The following FAM234B variants were observed in gnomAD, a reference collection of about 807,000 sequenced individuals.
FAM234B encodes protein FAM234B.
FAM234B carries 33 observed loss-of-function variants against 69.3 expected under a neutral mutation model. The ratio of observed to expected loss-of-function variants is 0.48; its 90% confidence interval spans 0.36 to 0.64. The LOEUF (loss-of-function observed/expected upper bound fraction) is 0.64, where lower values mean the gene tolerates loss of function less well. Among genes scored for constraint, FAM234B ranks in the 30% least tolerant of loss-of-function variants. The pLI, the probability that FAM234B is intolerant of heterozygous loss-of-function variation, is 0.00. For synonymous variants in FAM234B, 306 were observed against 306.9 expected, an observed-to-expected ratio of 1.00 and a Z score of 0.03; for missense variants, 697 against 769.7, an observed-to-expected ratio of 0.91 and a Z score of 1.12.
intron 11 of FAM234B, 75 bp downstream of exon 11, chr12:13,076,218 C>A: frequency 9.2e-7 from 1 of 1,086,562 alleles, no homozygotes; most frequent in Non-Finnish European, 1.4e-6. Context: ...GTAATGAGAC[C>A]ATTGCCCCAC....
chr12:13,059,851 T>C (rs1029133996), intron 3 of FAM234B, among the ~76,000 whole-genome samples: 1 of 152,196 alleles, frequency 6.6e-6, no homozygotes. Flanking sequence ...CCCCATCTAC[T>C]TAGATTTAGA....
chr12:13,046,366 G>A (rs1038020596), intron 1 of FAM234B, among the ~76,000 whole-genome samples: 3 of 152,162 alleles, frequency 2.0e-5, no homozygotes, highest in African/African-American at 7.2e-5. Context: ...TGGCTCCCCT[G>A]TAATTGGGGT....
chr12:13,058,965 C>G (rs1179754236), intron 3 of FAM234B, among the ~76,000 whole-genome samples: 2 of 152,246 alleles, frequency 1.3e-5, no homozygotes, highest in East Asian at 3.8e-4. Flanking sequence ...ACTTATACAT[C>G]TTTACACAAA....
chr12:13,066,608 A>G (rs201726510), intron 5 of FAM234B, 32 bp from the exon 6 acceptor site: 38 of 1,588,748 alleles, frequency 2.4e-5, no homozygotes, highest in Non-Finnish European at 3.0e-5. Context: ...TAGGGCTTCT[A>G]TTGACTCCAC....
chr12:13,070,643 G>A (rs1014991070), intron 9 of FAM234B, among the ~76,000 whole-genome samples: 1 of 152,150 alleles, frequency 6.6e-6, no homozygotes, highest in African/African-American at 2.4e-5. Context: ...ATTATCCTTT[G>A]ACAAATGCAG....
intron 10 of FAM234B, 69 bp from the exon 11 acceptor site, chr12:13,075,957 C>T: frequency 9.1e-7 from 1 of 1,102,234 alleles, no homozygotes; most frequent in East Asian, 2.4e-5. Flanking sequence ...TCTGCCTTTT[C>T]ACCTGAGGAC....
chr12:13,072,729 CAA>C (rs55734917), intron 10 of FAM234B, among the ~76,000 whole-genome samples: 32,855 of 89,588 alleles, frequency 0.37, 4,339 homozygotes, highest in East Asian at 0.62. Flanking sequence ...GACTTTGTCT[CAA>C]AAAAAAAAAA....
intron 2 of FAM234B, among the ~76,000 whole-genome samples, 170 bp from the exon 3 acceptor site, chr12:13,058,281 C>G (rs188694617): frequency 1.3e-5 from 2 of 152,256 alleles, no homozygotes; most frequent in East Asian, 3.9e-4. Flanking sequence ...GTTTTATGTA[C>G]AGTGTCCAGG....
At position 13,082,936 on chromosome 12, in the gene FAM234B, T is replaced by A. The variant is rs1255530934; in HGVS notation, c.*2306T>A. ...CTAACTTAACATAGATTCTTTTGACTATGGTAAGTTTGAATCTCTCCTTGC... is the reference window on the plus strand; with the variant it reads ...CTAACTTAACATAGATTCTTTTGACAATGGTAAGTTTGAATCTCTCCTTGC... On this transcript the variant is annotated 3_prime_UTR_variant, in exon 13 of 13. Transcript: ENST00000197268. The A allele has an allele frequency of 6.6e-6, 1 of 152,224 alleles. No homozygotes were observed. Among genetic ancestry groups the A allele is most frequent in the African/African-American group, 2.4e-5 (1 of 41,468 alleles). 9.4% of individuals were successfully genotyped at this position (152,224 alleles called of 1,614,324 possible). A position where few individuals can be genotyped will look rare whatever the true frequency, so the allele number is the denominator to read the frequency against.
intron 1 of FAM234B, among the ~76,000 whole-genome samples, chr12:13,054,232 G>A (rs1025484417): frequency 2.0e-5 from 3 of 148,666 alleles, no homozygotes; most frequent in African/African-American, 7.6e-5. Context: ...TATTAATAGG[G>A]AAGTGATAAA....
intron 11 of FAM234B, among the ~76,000 whole-genome samples, chr12:13,078,131 G>A (rs1865182618): frequency 6.6e-6 from 1 of 151,552 alleles, no homozygotes; most frequent in Admixed American, 6.6e-5. Context: ...TTTTTTTCTT[G>A]TAAATTTGTT....
At position 13,067,022 on chromosome 12, in the gene FAM234B, G is replaced by A; in HGVS notation, c.1001-133G>A. The A allele has an allele frequency of 1.8e-6, 2 of 1,089,272 alleles. No individual in the cohort carries two copies. Among genetic ancestry groups the A allele is most frequent in the Non-Finnish European group, 1.3e-6 (1 of 747,534 alleles). 67.5% of individuals were successfully genotyped at this position (1,089,272 alleles called of 1,614,324 possible). ...CACCCACTTAATCACCTCCCCACTT[G>A]TTCCGTGTTGTCCAGTCTGGGCGGG... On this transcript the variant is annotated intron_variant, in intron 6 of 12. Transcript: ENST00000197268. This position sits in a 1 kb window ranked among gnomAD's most constrained non-coding sequence, Gnocchi z 4.7.
chr12:13,051,530 A>G (rs1043864394), intron 1 of FAM234B, among the ~76,000 whole-genome samples: 2 of 152,272 alleles, frequency 1.3e-5, no homozygotes, highest in African/African-American at 4.8e-5. Flanking sequence ...GTGAATGCCA[A>G]GAAAGCTCTC....
At position 13,071,294 on chromosome 12, in the gene FAM234B, G is replaced by T. The variant is rs777129709; in HGVS notation, c.1422G>T (p.Pro474=). The change falls in exon 10 of 13, where the codon CCG becomes CCT. Residue 474 remains proline, a synonymous_variant. Transcript: ENST00000197268. ...CCATTGTTTGGAGTTACCGTGCTCCGTGTCACATGAAAGAAACGCCAGCCA... is the reference window on the plus strand; with the variant it reads ...CCATTGTTTGGAGTTACCGTGCTCCTTGTCACATGAAAGAAACGCCAGCCA... ...SGSIVWSYRA[P]CHMKETPATS... is the part of the protein sequence containing the mutation. The T allele has an allele frequency of 6.8e-6, 11 of 1,613,974 alleles. No homozygotes were observed. In the South Asian group the frequency reaches 1.2e-4, roughly 18 times the overall value.
At chr12:13,071,105 T>C (rs1344955223) in intron 9 of FAM234B, 136 bp from the exon 10 acceptor site, 3 of 873,748 alleles carry the variant, frequency 3.4e-6, no homozygotes, top group African/African-American at 3.3e-5. Context: ...GAACACCCAG[T>C]TTGCTTGCAT....
intron 5 of FAM234B, among the ~76,000 whole-genome samples, chr12:13,063,748 G>A (rs962063854): frequency 3.9e-5 from 6 of 152,132 alleles, no homozygotes; most frequent in Admixed American, 6.5e-5. Flanking sequence ...TTCTGGAAGC[G>A]TTTTTCAGAG....
At chr12:13,070,204 TATATATAA>T (rs1865090485) in intron 9 of FAM234B, among the ~76,000 whole-genome samples, 2 of 99,204 alleles carry the variant, frequency 2.0e-5, no homozygotes, top group Admixed American at 1.0e-4. Flanking sequence ...TATATATATA[TATATATAA>T]AATGAAATAT....
Position 13,076,066 on chromosome 12 carries a change from T to C in FAM234B, c.1565T>C (p.Leu522Pro). 1 of 1,614,124 alleles carries C rather than the reference T, an allele frequency of 6.2e-7. No homozygotes were observed. The highest frequency in any genetic ancestry group is 8.5e-7 in the Non-Finnish European group (1 of 1,179,998). The change falls in exon 11 of 13, where the codon CTT becomes CCT. Residue 522 changes from leucine (L) to proline (P), a missense_variant. By Grantham distance (98) the Leu-to-Pro change is moderately conservative. Around this residue, in one of 3 missense-constraint regions of FAM234B, gnomAD observed 313 missense variants for 305.5 expected, o/e 1.02. Coordinates refer to ENST00000197268, the MANE Select transcript of FAM234B (RefSeq NM_020853.2). The stretch of plus-strand genomic sequence containing the variant: ...ACTGAGCCGCCCAGCCTTCACCACC[T>C]TTACCTCCTGCATCCTGCGTTCCCC... ...LGTEPPSLHHLYLLHPAFPSI... is the reference protein window; with the variant it reads ...LGTEPPSLHHPYLLHPAFPSI...
At chr12:13,055,218 C>A (rs1355962158) in intron 1 of FAM234B, among the ~76,000 whole-genome samples, 1 of 152,228 alleles carries the variant, frequency 6.6e-6, no homozygotes, top group Non-Finnish European at 1.5e-5. Context: ...GAGCCATGAT[C>A]TTTTTCTTGA....
Sources: gnomAD v4.1 joint callset for allele counts (sites outside exome capture counted in the v4.1 genomes callset) on GRCh38, gnomAD v4.1.1 for gene constraint, gnomAD v4.1.1 regional missense constraint, Gnocchi (gnomAD v3.1) non-coding constraint, MANE v1.5 for transcripts, NCBI Gene and HGNC (gene_info 2026-07-23, HGNC 2026-07-21) for gene names.